The following OXR1 variants were observed in gnomAD, a reference collection of about 807,000 sequenced individuals.
The protein encoded by OXR1 is oxidation resistance 1, also known as oxidation resistance protein 1.
In OXR1, 41 loss-of-function variants were observed where a neutral mutation model predicts 104.6. That is an observed-to-expected ratio of 0.39 (90% CI 0.31 to 0.51). OXR1 has a LOEUF of 0.51. Among genes scored for constraint, OXR1 ranks in the 20% least tolerant of loss-of-function variants. The pLI is 0.77. For synonymous variants in OXR1, 348 were observed against 348.4 expected, an observed-to-expected ratio of 1.00 and a Z score of 0.01; for missense variants, 955 against 1,031.9, an observed-to-expected ratio of 0.93 and a Z score of 1.02.
intron 1 of OXR1, among the ~76,000 whole-genome samples, chr8:106,328,586 T>C (rs1250778820): frequency 6.6e-6 from 1 of 152,182 alleles, no homozygotes; most frequent in Admixed American, 6.5e-5. Context: ...AGCTGGTTGT[T>C]TGGGGTATGT....
intron 13 of OXR1, 36 bp downstream of exon 13, chr8:106,739,619 G>T: frequency 6.2e-7 from 1 of 1,606,564 alleles, no homozygotes; most frequent in South Asian, 1.1e-5. Context: ...TTCTGAGTGT[G>T]AGTGTGTACC....
chr8:106,552,248 A>G (rs923994551), intron 3 of OXR1, among the ~76,000 whole-genome samples: 1 of 152,014 alleles, frequency 6.6e-6, no homozygotes, highest in Non-Finnish European at 1.5e-5. Context: ...GCTTGCCTGT[A>G]GATCAAGTAC....
chr8:106,412,908 G>A (rs745422016), intron 2 of OXR1, among the ~76,000 whole-genome samples: 3 of 151,704 alleles, frequency 2.0e-5, no homozygotes, highest in Non-Finnish European at 4.4e-5. Context: ...TATTTTTATG[G>A]TCCTATGCAC....
At chr8:106,332,477 T>A (rs1348073715) in intron 1 of OXR1, among the ~76,000 whole-genome samples, 1 of 152,192 alleles carries the variant, frequency 6.6e-6, no homozygotes, top group Non-Finnish European at 1.5e-5. Context: ...TGATTATAGG[T>A]GAAACTAAGA....
chr8:106,703,254 A>C (rs1444582829), intron 8 of OXR1, among the ~76,000 whole-genome samples, 164 bp downstream of exon 8: 2 of 152,224 alleles, frequency 1.3e-5, no homozygotes, highest in Non-Finnish European at 2.9e-5. Flanking sequence ...CTTAATTTGC[A>C]CCTGGGATAG....
At chr8:106,471,422 G>A (rs1821487486) in intron 2 of OXR1, among the ~76,000 whole-genome samples, 1 of 151,700 alleles carries the variant, frequency 6.6e-6, no homozygotes, top group South Asian at 2.1e-4. Flanking sequence ...AGCCCAGCAG[G>A]CAAGATGGTT....
intron 3 of OXR1, among the ~76,000 whole-genome samples, chr8:106,549,602 C>G (rs1314641675): frequency 1.3e-5 from 2 of 152,110 alleles, no homozygotes; most frequent in African/African-American, 4.8e-5. Context: ...TTATAAACAA[C>G]AGAAATGTAT....
intron 6 of OXR1, among the ~76,000 whole-genome samples, chr8:106,685,200 G>A (rs1308394050): frequency 6.6e-6 from 1 of 152,056 alleles, no homozygotes; most frequent in Non-Finnish European, 1.5e-5. Context: ...TTAATGGTAG[G>A]TATTACTTAC....
At chr8:106,745,110 T>C (rs920100220) in intron 15 of OXR1, among the ~76,000 whole-genome samples, 2 of 152,204 alleles carry the variant, frequency 1.3e-5, no homozygotes, top group African/African-American at 4.8e-5. Flanking sequence ...AAAGAAAGTT[T>C]TATTGAAAAC....
chr8:106,629,488 A>G (rs1485006234), intron 3 of OXR1, among the ~76,000 whole-genome samples: 2 of 152,196 alleles, frequency 1.3e-5, no homozygotes, highest in Non-Finnish European at 2.9e-5. Flanking sequence ...TTCCCTGAAG[A>G]ATTTGGTAAA....
chr8:106,397,861 G>A (rs1817844075), intron 2 of OXR1, among the ~76,000 whole-genome samples: 1 of 152,098 alleles, frequency 6.6e-6, no homozygotes, highest in Non-Finnish European at 1.5e-5. Flanking sequence ...AAAATGTATT[G>A]TCTCACAGTT....
chr8:106,351,143 A>G lies in OXR1; in HGVS notation c.-138-8333A>G, dbSNP rs149566887. 3.9e-3 allele frequency among the ~76,000 whole-genome samples: 598 copies of G among 152,366 alleles called. 5 individuals are homozygous for G. The highest frequency in any genetic ancestry group is 0.013 in the African/African-American group (552 of 41,592). On this transcript the variant is annotated intron_variant, in intron 1 of 16. Transcript: ENST00000517566. ...GAGACTGCTGTTAGTTCAAAATTGTATAGAACTTAACATTTCTTAATGTAA... is the reference window on the plus strand; with the variant it reads ...GAGACTGCTGTTAGTTCAAAATTGTGTAGAACTTAACATTTCTTAATGTAA...
intron 1 of OXR1, among the ~76,000 whole-genome samples, chr8:106,335,703 A>G (rs1442411368): frequency 6.6e-6 from 1 of 152,222 alleles, no homozygotes; most frequent in East Asian, 1.9e-4. Context: ...CTCTGGGTCA[A>G]TAGTTAAAAC....
At chr8:106,589,827 C>T (rs577399785) in intron 3 of OXR1, among the ~76,000 whole-genome samples, 4 of 152,142 alleles carry the variant, frequency 2.6e-5, no homozygotes, top group East Asian at 1.9e-4. Context: ...CCACCATGCC[C>T]GACTAATTTT....
At chr8:106,510,885 A>G (rs1355988639) in intron 2 of OXR1, among the ~76,000 whole-genome samples, 1 of 152,234 alleles carries the variant, frequency 6.6e-6, no homozygotes. Flanking sequence ...TAACTGTTCC[A>G]ACACCAATTT....
intron 6 of OXR1, among the ~76,000 whole-genome samples, chr8:106,688,642 T>C (rs1030434076): frequency 6.6e-6 from 1 of 152,184 alleles, no homozygotes; most frequent in Admixed American, 6.5e-5. Flanking sequence ...TTTAACACTT[T>C]AATAACATTT....
At chr8:106,413,618 T>C (rs1818550169) in intron 2 of OXR1, among the ~76,000 whole-genome samples, 1 of 152,136 alleles carries the variant, frequency 6.6e-6, no homozygotes, top group Non-Finnish European at 1.5e-5. Context: ...ATATTCTTAA[T>C]TGTACGCTTT....
At chr8:106,282,277 G>C (rs1305592228) in intron 1 of OXR1, among the ~76,000 whole-genome samples, 2 of 152,216 alleles carry the variant, frequency 1.3e-5, no homozygotes, top group East Asian at 3.9e-4. Context: ...AGCAGTACCT[G>C]TCACTTTGTC....
intron 1 of OXR1, among the ~76,000 whole-genome samples, chr8:106,307,551 A>AT (rs889668533): frequency 1.3e-5 from 2 of 150,788 alleles, no homozygotes; most frequent in East Asian, 2.0e-4. Flanking sequence ...GGCCTAAGGG[A>AT]TTTTTTTGTC....
Sources: gnomAD v4.1 joint callset for allele counts (sites outside exome capture counted in the v4.1 genomes callset) on GRCh38, gnomAD v4.1.1 for gene constraint, MANE v1.5 for transcripts, NCBI Gene and HGNC (gene_info 2026-07-23, HGNC 2026-07-21) for gene names.